The following CLASP1 variants were observed in gnomAD, a reference collection of about 807,000 sequenced individuals.
CLASP1 encodes CLIP-associating protein 1.
Under a neutral mutation model 192.3 loss-of-function variants are expected in CLASP1, and 38 were observed. The observed-to-expected ratio is 0.20, with a 90% confidence interval of 0.15 to 0.26. The LOEUF (loss-of-function observed/expected upper bound fraction) is 0.26. Among genes scored for constraint, CLASP1 ranks in the 10% least tolerant of loss-of-function variants. The probability of loss-of-function intolerance (pLI) is 1.00; values close to 1 mark genes in which losing one functional copy is unlikely to be tolerated. For synonymous variants in CLASP1, 691 were observed against 712.8 expected, an observed-to-expected ratio of 0.97 and a Z score of 0.49; for missense variants, 1,433 against 1,932.5, an observed-to-expected ratio of 0.74 and a Z score of 4.85.
At chr2:121,443,218 A>C (rs566694407) in intron 19 of CLASP1, among the ~76,000 whole-genome samples, 1 of 151,898 alleles carries the variant, frequency 6.6e-6, no homozygotes, top group South Asian at 2.1e-4. Flanking sequence ...CCAGAGAGTT[A>C]GTCTCCTGGA....
At chr2:121,561,996 G>T (rs2059128533) in intron 2 of CLASP1, among the ~76,000 whole-genome samples, 1 of 152,198 alleles carries the variant, frequency 6.6e-6, no homozygotes. Flanking sequence ...TTATGTTAGG[G>T]CTTAATGTTA....
chr2:121,379,170 A>C (rs183771036), intron 33 of CLASP1, among the ~76,000 whole-genome samples: 1 of 151,982 alleles, frequency 6.6e-6, no homozygotes, highest in Non-Finnish European at 1.5e-5. Context: ...AATATGGCCC[A>C]GATAAAACCC....
chr2:121,375,210 T>C (rs1328916003), intron 34 of CLASP1, among the ~76,000 whole-genome samples: 2 of 151,808 alleles, frequency 1.3e-5, no homozygotes, highest in Non-Finnish European at 2.9e-5. Flanking sequence ...CCCTCTTCAC[T>C]CTCTCTCTCC....
intron 9 of CLASP1, among the ~76,000 whole-genome samples, chr2:121,465,866 G>A (rs949729283): frequency 1.1e-4 from 16 of 151,982 alleles, no homozygotes; most frequent in East Asian, 9.6e-4. Context: ...AAATAACGCC[G>A]CATATCTACA....
exon 11 of CLASP1, chr2:121,461,163 T>C (rs559511652): frequency 6.9e-6 from 11 of 1,604,980 alleles, no homozygotes; most frequent in South Asian, 2.2e-5. Context: ...ATTTTGTTTA[T>C]GGATTCCTCA....
intron 36 of CLASP1, among the ~76,000 whole-genome samples, 159 bp from the exon 38 acceptor site, chr2:121,363,459 TACTTGAC>T (rs940111117): frequency 1.3e-5 from 2 of 152,160 alleles, no homozygotes; most frequent in African/African-American, 4.8e-5. Flanking sequence ...AAATCAGCTT[TACTTGAC>T]ACTGGCTCTC....
chr2:121,373,694 G>A (rs1202662260), intron 34 of CLASP1, among the ~76,000 whole-genome samples: 2 of 152,208 alleles, frequency 1.3e-5, no homozygotes, highest in Non-Finnish European at 2.9e-5. Context: ...TTAGCAAACA[G>A]ACTGGCAGCA....
At chr2:121,467,264 G>A (rs2089784879) in intron 9 of CLASP1, among the ~76,000 whole-genome samples, 1 of 152,176 alleles carries the variant, frequency 6.6e-6, no homozygotes, top group South Asian at 2.1e-4. Flanking sequence ...GTGCTGGGAT[G>A]AACATATGCA....
At chr2:121,427,225 T>A (rs1197778923) in intron 21 of CLASP1, among the ~76,000 whole-genome samples, 179 bp downstream of exon 21, 1 of 152,138 alleles carries the variant, frequency 6.6e-6, no homozygotes, top group East Asian at 1.9e-4. Context: ...ACTATTAAAC[T>A]ATGTATAAAG....
chr2:121,582,375 CAGAA>C (rs1421948732), intron 2 of CLASP1, among the ~76,000 whole-genome samples: 2 of 121,774 alleles, frequency 1.6e-5, no homozygotes, highest in Admixed American at 1.8e-4. Context: ...AAGACAAAGA[CAGAA>C]AGATGGATGG....
At chr2:121,434,847 G>C (rs553010578) in intron 19 of CLASP1, among the ~76,000 whole-genome samples, 3 of 152,020 alleles carry the variant, frequency 2.0e-5, no homozygotes, top group African/African-American at 7.2e-5. Flanking sequence ...AATTACCTGG[G>C]CGTGGTGGTG....
intron 2 of CLASP1, among the ~76,000 whole-genome samples, chr2:121,539,967 AG>A (rs1264437547): frequency 6.6e-6 from 1 of 152,266 alleles, no homozygotes; most frequent in Non-Finnish European, 1.5e-5. Context: ...AGTGTTAACA[AG>A]GGTGTGGTAC....
intron 23 of CLASP1, among the ~76,000 whole-genome samples, chr2:121,411,755 A>C (rs2077736461): frequency 6.6e-6 from 1 of 152,196 alleles, no homozygotes. Flanking sequence ...CTCACTTTTT[A>C]AAGTCCCATT....
intron 1 of CLASP1, among the ~76,000 whole-genome samples, chr2:121,641,802 A>T (rs1322165788): frequency 6.6e-6 from 1 of 152,218 alleles, no homozygotes; most frequent in Non-Finnish European, 1.5e-5. Flanking sequence ...ACATTCTTAG[A>T]TTGCTGGGAA....
chr2:121,607,373 T>C (rs1263730288), intron 1 of CLASP1, among the ~76,000 whole-genome samples: 1 of 152,168 alleles, frequency 6.6e-6, no homozygotes, highest in Non-Finnish European at 1.5e-5. Flanking sequence ...CATATTCTGA[T>C]CAGTTATTGA....
chr2:121,426,244 C>CA (rs1424950399), intron 21 of CLASP1, among the ~76,000 whole-genome samples: 10 of 151,960 alleles, frequency 6.6e-5, no homozygotes, highest in Non-Finnish European at 1.0e-4. Context: ...ACACCACAAA[C>CA]AAAAACAAAT....
intron 2 of CLASP1, among the ~76,000 whole-genome samples, chr2:121,559,023 G>A (rs1463632199): frequency 6.6e-6 from 1 of 152,202 alleles, no homozygotes; most frequent in Non-Finnish European, 1.5e-5. Context: ...GTACCTGAAA[G>A]CCATCCCCTG....
intron 34 of CLASP1, among the ~76,000 whole-genome samples, chr2:121,373,955 G>C (rs1573980974): frequency 6.6e-6 from 1 of 152,228 alleles, no homozygotes; most frequent in Non-Finnish European, 1.5e-5. Context: ...CCATTTTTGG[G>C]AAGGAATTCA....
At chr2:121,413,358 T>C (rs1046164266) in intron 23 of CLASP1, among the ~76,000 whole-genome samples, 7 of 152,206 alleles carry the variant, frequency 4.6e-5, no homozygotes, top group African/African-American at 1.4e-4. Context: ...TTGGTAACAA[T>C]TGTTACCATC....
Sources: gnomAD v4.1 joint callset for allele counts (sites outside exome capture counted in the v4.1 genomes callset) on GRCh38, gnomAD v4.1.1 for gene constraint, MANE v1.5 for transcripts, NCBI Gene and HGNC (gene_info 2026-07-23, HGNC 2026-07-21) for gene names.